The following FHIT variants were observed in gnomAD, a reference collection of about 807,000 sequenced individuals.
The protein encoded by FHIT is fragile histidine triad diadenosine triphosphatase.
FHIT carries 19 observed loss-of-function variants against 17.9 expected under a neutral mutation model. The observed-to-expected ratio is 1.06, with a 90% CI of 0.74 to 1.56. The LOEUF (loss-of-function observed/expected upper bound fraction) is 1.56, where lower values mean the gene tolerates loss of function less well. Among genes scored for constraint, FHIT ranks in the 40% most tolerant of loss-of-function variants. The pLI, the probability that FHIT is intolerant of heterozygous loss-of-function variation, is 0.00. For missense variants in FHIT, 248 were observed against 189.2 expected (o/e 1.31, Z -1.82); for synonymous variants, 81 against 69.7 (o/e 1.16, Z -0.81).
At chr3:60,954,044 C>G (rs537148667) in intron 3 of FHIT, among the ~76,000 whole-genome samples, 3 of 152,284 alleles carry the variant, frequency 2.0e-5, no homozygotes, top group Non-Finnish European at 4.4e-5. Context: ...AAATCTGCTC[C>G]TGCAGAGTCC....
chr3:60,576,632 G>T (rs2037574454), intron 4 of FHIT, among the ~76,000 whole-genome samples: 1 of 152,104 alleles, frequency 6.6e-6, no homozygotes, highest in African/African-American at 2.4e-5. Flanking sequence ...AAGCATAAAT[G>T]AAAAGTTCCT....
chr3:60,133,224 A>T (rs1699670918), intron 5 of FHIT, among the ~76,000 whole-genome samples: 1 of 152,140 alleles, frequency 6.6e-6, no homozygotes, highest in South Asian at 2.1e-4. Context: ...GGAATCTGGA[A>T]ATCTGATGTG....
intron 5 of FHIT, chr3:60,536,150 T>C (rs1044713332): frequency 2.0e-5 from 3 of 152,116 alleles, no homozygotes; most frequent in African/African-American, 7.2e-5. Flanking sequence ...TAAAGATAAC[T>C]TCCCAAGCAT....
intron 8 of FHIT, among the ~76,000 whole-genome samples, chr3:59,907,155 G>A (rs1187798712): frequency 1.3e-5 from 2 of 152,190 alleles, no homozygotes; most frequent in Admixed American, 6.5e-5. Context: ...GTTGAACCTC[G>A]ATAGGAAGCC....
At position 60,699,360 on chromosome 3, in the gene FHIT, G is replaced by A. The variant is rs782184594; in HGVS notation, c.-18+122559C>T. 1.8e-4 allele frequency among the ~76,000 whole-genome samples: 27 copies of A among 152,234 alleles called. No homozygotes were observed. In the Middle Eastern group the frequency reaches 0.01, roughly 58 times the overall value. On this transcript the variant is annotated intron_variant, in intron 4 of 9. Transcript: ENST00000492590. The stretch of plus-strand genomic sequence containing the variant: ...CCAGAAAGTTTACTAAGCAAGGTAG[G>A]TAGATTTCCCTCTACTGTATAATAC...
Position 61,214,357 on chromosome 3 carries a change from C to A in FHIT, c.-212-13692G>T, listed in dbSNP as rs1383860022. 2.6e-5 allele frequency among the ~76,000 whole-genome samples: 4 copies of A among 152,266 alleles called. No homozygotes were observed. The East Asian group carries it at 7.7e-4, about 29-fold the overall frequency. Reference sequence around the variant, plus strand: ...CCAATCCCATAGAAATACAAACTACCATCAGAGAATACTACAAACACCTCT... The same window carrying A: ...CCAATCCCATAGAAATACAAACTACAATCAGAGAATACTACAAACACCTCT... On this transcript the variant is annotated intron_variant, in intron 1 of 9. Transcript: ENST00000492590.
chr3:60,573,701 G>C (rs2037466221), intron 4 of FHIT, among the ~76,000 whole-genome samples: 1 of 152,178 alleles, frequency 6.6e-6, no homozygotes. Context: ...AGAGTGATGA[G>C]TCAAATGACT....
At chr3:60,896,495 C>A (rs1169727743) in intron 3 of FHIT, among the ~76,000 whole-genome samples, 1 of 152,150 alleles carries the variant, frequency 6.6e-6, no homozygotes, top group Non-Finnish European at 1.5e-5. Flanking sequence ...AAGCCTGACT[C>A]CCCACAAAAT....
chr3:60,586,082 G>A (rs1398493312), intron 4 of FHIT, among the ~76,000 whole-genome samples: 1 of 151,908 alleles, frequency 6.6e-6, no homozygotes, highest in African/African-American at 2.4e-5. Context: ...ACACAGCTGA[G>A]ATTTGCATAT....
chr3:60,726,941 G>C (rs1415701068), intron 4 of FHIT, among the ~76,000 whole-genome samples: 1 of 152,130 alleles, frequency 6.6e-6, no homozygotes, highest in Non-Finnish European at 1.5e-5. Flanking sequence ...ACTCCAAGTT[G>C]AGTCTTTTTA....
chr3:60,569,747 A>ATTTTTTTT (rs1229124163), intron 4 of FHIT, among the ~76,000 whole-genome samples: 2 of 61,214 alleles, frequency 3.3e-5, no homozygotes, highest in African/African-American at 1.2e-4. Flanking sequence ...ATATATATAT[A>ATTTTTTTT]TATATATATT....
Position 60,938,642 on chromosome 3 carries a change from T to C in FHIT, c.-111+103405A>G, listed in dbSNP as rs1708289444. 2.6e-5 allele frequency among the ~76,000 whole-genome samples: 4 copies of C among 152,176 alleles called. 1 individual carries two copies. The highest frequency in any genetic ancestry group is 2.6e-4 in the Admixed American group (4 of 15,286). On this transcript the variant is annotated intron_variant, in intron 3 of 9. Coordinates refer to ENST00000492590, the MANE Select transcript of FHIT (RefSeq NM_002012.4). Reference sequence around the variant, plus strand: ...AGGAGTTCATCTGATGAACTGAATGTTAAACAGCGTCAGGGGAGATGGAGT... The same window carrying C: ...AGGAGTTCATCTGATGAACTGAATGCTAAACAGCGTCAGGGGAGATGGAGT...
chr3:60,184,585 T>C (rs1269376257), intron 5 of FHIT, among the ~76,000 whole-genome samples: 2 of 152,214 alleles, frequency 1.3e-5, no homozygotes, highest in South Asian at 2.1e-4. Flanking sequence ...TTATCACCGA[T>C]GATGTTAACC....
intron 1 of FHIT, among the ~76,000 whole-genome samples, chr3:61,207,029 G>A (rs1165423973): frequency 6.6e-6 from 1 of 152,210 alleles, no homozygotes; most frequent in African/African-American, 2.4e-5. Context: ...TTAGCATGAA[G>A]AGTTGTTGAA....
chr3:60,665,568 T>C (rs1440109254), intron 4 of FHIT, among the ~76,000 whole-genome samples: 1 of 152,040 alleles, frequency 6.6e-6, no homozygotes. Flanking sequence ...AAGTCCACTT[T>C]TATCAGATAC....
intron 5 of FHIT, among the ~76,000 whole-genome samples, chr3:60,179,766 T>G (rs1283299695): frequency 6.6e-6 from 1 of 152,114 alleles, no homozygotes; most frequent in Non-Finnish European, 1.5e-5. Context: ...AGAACCCTGG[T>G]CTAGAACACT....
At chr3:60,840,558 A>G (rs1178227821) in intron 3 of FHIT, among the ~76,000 whole-genome samples, 4 of 152,260 alleles carry the variant, frequency 2.6e-5, no homozygotes, top group African/African-American at 9.6e-5. Flanking sequence ...ATCAAGGACA[A>G]TAACACAAGC....
At chr3:60,442,055 T>C (rs1222134649) in intron 5 of FHIT, among the ~76,000 whole-genome samples, 1 of 151,442 alleles carries the variant, frequency 6.6e-6, no homozygotes, top group Non-Finnish European at 1.5e-5. Context: ...AAATGGGATC[T>C]CACTGTGTTC....
At chr3:59,979,539 T>C (rs1398982349) in intron 7 of FHIT, among the ~76,000 whole-genome samples, 2 of 151,916 alleles carry the variant, frequency 1.3e-5, no homozygotes, top group African/African-American at 4.8e-5. Context: ...CTTGGGGACA[T>C]TTTTTTTCCT....
Sources: allele counts gnomAD v4.1 joint callset (sites outside exome capture counted in the v4.1 genomes callset), GRCh38; gene constraint gnomAD v4.1.1; transcripts MANE v1.5; gene names NCBI Gene and HGNC (gene_info 2026-07-23, HGNC 2026-07-21).